The following BAZ2A variants were observed in gnomAD, a reference collection of about 807,000 sequenced individuals.
BAZ2A encodes bromodomain adjacent to zinc finger domain 2A, also known as bromodomain adjacent to zinc finger domain protein 2A.
Under a neutral mutation model 199.9 loss-of-function variants are expected in BAZ2A, and 34 were observed. The ratio of observed to expected loss-of-function variants is 0.17; its 90% confidence interval spans 0.13 to 0.23. The LOEUF (loss-of-function observed/expected upper bound fraction) is 0.23. BAZ2A is among the 10% of genes least tolerant of loss of function. BAZ2A has a pLI of 1.00. For synonymous variants in BAZ2A, 857 were observed against 883.9 expected, an observed-to-expected ratio of 0.97 and a Z score of 0.54; for missense variants, 2,002 against 2,391.1, an observed-to-expected ratio of 0.84 and a Z score of 3.39.
At position 56,630,294 on chromosome 12, in the gene BAZ2A, G is replaced by A. The variant is rs373648399; in HGVS notation, c.-172C>T. On this transcript the variant is annotated 5_prime_UTR_variant, in exon 1 of 29. Coordinates refer to ENST00000549884, the MANE Select transcript of BAZ2A (RefSeq NM_001300905.2). ...GGGACGCGGCTCAACCGCGGGGCCC[G>A]AGAGGAGCCAACATGGCCGGCGGGG... 2,144 of 984,852 alleles carry A rather than the reference G, an allele frequency of 2.2e-3. 35 individuals carry two copies. The African/African-American group carries it at 0.033, about 15-fold the overall frequency. The allele number at this position is 984,852 out of a possible 1,614,324, so 61.0% of individuals were successfully genotyped here. A position where few individuals can be genotyped will look rare whatever the true frequency, so the allele number is the denominator to read the frequency against.
rs1311483226 is a variant in BAZ2A at position 56,600,213 on chromosome 12, G to A, written c.4880C>T (p.Thr1627Ile). The A allele has an allele frequency of 1.2e-6, 2 of 1,613,806 alleles. No homozygotes were observed. Among genetic ancestry groups the A allele is most frequent in the Admixed American group, 3.3e-5 (2 of 59,992 alleles). Residue 1627 changes from threonine (T) to isoleucine (I), a missense_variant, in exon 24 of 29, where the codon ACC becomes ATC. Around this residue, in one of 6 missense-constraint regions of BAZ2A, gnomAD observed 1,081 missense variants for 1,274.7 expected, o/e 0.85. Coordinates refer to ENST00000549884, the MANE Select transcript of BAZ2A (RefSeq NM_001300905.2). ...GGGAGTCACTCACATCTCTGTAGTGGTGCCCTCAGGGGCACCATTAGGTGT... is the reference window on the plus strand; with the variant it reads ...GGGAGTCACTCACATCTCTGTAGTGATGCCCTCAGGGGCACCATTAGGTGT... ...LSTPNGAPEG[T>I]TTEISYEITP...
In BAZ2A at chr12:56,614,022, G is replaced by C. The variant is rs570032594; in HGVS notation, c.847C>G (p.Pro283Ala). The change falls in exon 4 of 29, where the codon CCT becomes GCT. Residue 283 changes from proline to alanine, a missense_variant. Pro to Ala is a conservative substitution (Grantham distance 27, BLOSUM62 -1). This residue lies in a region of BAZ2A where 641 missense variants were observed against 694.5 expected (regional missense o/e 0.92). Transcript: ENST00000549884. ...VSCLDDPSHL[P>A]DQLEDTPILS... ...ATTGGAGTGTCTTCCAGTTGATCAG[G>C]AAGATGTGAAGGATCATCTAAACAG... 1.9e-6 allele frequency: 3 copies of C among 1,613,838 alleles called. No homozygotes were observed. The highest frequency in any genetic ancestry group is 1.7e-5 in the Admixed American group (1 of 60,006).
At chr12:56,613,259 A>G (rs1343640886) in intron 4 of BAZ2A, 26 bp from the exon 5 acceptor site, 1 of 1,605,524 alleles carries the variant, frequency 6.2e-7, no homozygotes, top group Non-Finnish European at 8.5e-7. Context: ...GAAAAATCAG[A>G]GCAGGATAAT....
At chr12:56,636,453 C>T (rs1037269320), upstream of BAZ2A, 12 of 1,156,856 alleles carry the variant, frequency 1.0e-5, no homozygotes, top group South Asian at 2.6e-4. Flanking sequence ...ACAGGGCAGA[C>T]CAGGAGAAAT....
rs1390585309 is a variant in BAZ2A at position 56,596,254 on chromosome 12, AGGGCAG to A, written c.*2358_*2363del. On this transcript the variant is annotated 3_prime_UTR_variant, in exon 29 of 29. Transcript: ENST00000549884. ...ACCAGACTGATGGGAGGGAAGCAAA[AGGGCAG>A]GGGGTGGGTTGTCTTTTTATTTTAA... 6 of 152,738 alleles carry A rather than the reference AGGGCAG, an allele frequency of 3.9e-5. No individual in the cohort carries two copies. Among genetic ancestry groups the A allele is most frequent in the Admixed American group, 1.3e-4 (2 of 15,290 alleles). The allele number at this position is 152,738 out of a possible 1,614,324, so 9.5% of individuals were successfully genotyped here. A position where few individuals can be genotyped will look rare whatever the true frequency, so the allele number is the denominator to read the frequency against.
intron 5 of BAZ2A, 55 bp from the exon 6 acceptor site, chr12:56,612,301 AC>A: frequency 6.9e-7 from 1 of 1,451,230 alleles, no homozygotes; most frequent in Non-Finnish European, 9.4e-7. Context: ...ATCACATAAA[AC>A]AAGAGAATCT....
upstream of BAZ2A, among the ~76,000 whole-genome samples, chr12:56,637,155 G>A (rs1371486607): frequency 6.6e-6 from 1 of 152,204 alleles, no homozygotes; most frequent in East Asian, 1.9e-4. Context: ...TCATGGATTT[G>A]AAAATGGGAT....
At chr12:56,610,615 C>T (rs1950529874) in intron 7 of BAZ2A, 98 bp from the exon 8 acceptor site, 1 of 1,023,962 alleles carries the variant, frequency 9.8e-7, no homozygotes. Context: ...GCCCTCCCCA[C>T]ATTTGTATCT....
intron 1 of BAZ2A, among the ~76,000 whole-genome samples, chr12:56,627,596 A>C (rs1951143007): frequency 6.6e-6 from 1 of 151,870 alleles, no homozygotes. Flanking sequence ...AGGCTAAGGC[A>C]GGCAGGTCAC....
upstream of BAZ2A, chr12:56,636,454 C>T: frequency 2.6e-6 from 3 of 1,151,942 alleles, no homozygotes; most frequent in Non-Finnish European, 3.4e-6. Context: ...CAGGGCAGAC[C>T]AGGAGAAATA....
rs181614263 is a variant in BAZ2A at position 56,623,184 on chromosome 12, C to T, written c.-2-5652G>A. Among the ~76,000 whole-genome samples the T allele has an allele frequency of 2.7e-3, 407 of 151,014 alleles. 1 individual carries two copies. Among genetic ancestry groups the T allele is most frequent in the African/African-American group, 9.4e-3 (387 of 41,032 alleles). On this transcript the variant is annotated intron_variant, in intron 1 of 28. Transcript: ENST00000549884. ...CCGGGAGGTGGAGGTTGCAGTGAGCCGAGATCGCGTCACTGCACTCCAGTC... is the reference window on the plus strand; with the variant it reads ...CCGGGAGGTGGAGGTTGCAGTGAGCTGAGATCGCGTCACTGCACTCCAGTC...
rs1196353884 is a variant in BAZ2A at position 56,604,587 on chromosome 12, G to C, written c.2961C>G (p.Ile987Met). Residue 987 changes from isoleucine (I) to methionine (M), a missense_variant and splice_region_variant, in exon 15 of 29, where the codon ATC becomes ATG. Coordinates refer to ENST00000549884, the MANE Select transcript of BAZ2A (RefSeq NM_001300905.2). ...CATCCCCACTCCCAGCCTCTCACTT[G>C]ATGATGAGGGTGGAGCCATTGAGCT... is the stretch of plus-strand genomic sequence containing the variant. Reference protein sequence around the residue: ...VHELNGSTLIINEIDKTLESM... With the variant: ...VHELNGSTLIMNEIDKTLESM... The C allele has an allele frequency of 1.3e-6, 2 of 1,578,458 alleles. No individual in the cohort carries two copies. The highest frequency in any genetic ancestry group is 1.7e-6 in the Non-Finnish European group (2 of 1,161,442).
Position 56,605,225 on chromosome 12 carries a change from G to T in BAZ2A, c.2596C>A (p.Leu866Met). 1 of 1,613,846 alleles carries T rather than the reference G, an allele frequency of 6.2e-7. No individual in the cohort carries two copies. Among genetic ancestry groups the T allele is most frequent in the South Asian group, 1.1e-5 (1 of 91,074 alleles). ...VEFLHSFGKV[L>M]GFDPAKDVPS... ...ACATCTTTGGCAGGATCAAAGCCCA[G>T]CACCTTGCCAAAGCTATGCAGGAAC... The change falls in exon 14 of 29, where the codon CTG (leucine) becomes ATG (methionine). Residue 866 changes from leucine (L) to methionine (M), a missense_variant. Physicochemically the swap from Leu to Met is conservative, Grantham distance 15 (BLOSUM62 2). Around this residue, in one of 6 missense-constraint regions of BAZ2A, gnomAD observed 1,081 missense variants for 1,274.7 expected, o/e 0.85. Transcript: ENST00000549884.
chr12:56,634,297 G>A (rs1346734050), upstream of BAZ2A, among the ~76,000 whole-genome samples: 2 of 152,112 alleles, frequency 1.3e-5, no homozygotes, highest in African/African-American at 4.8e-5. Flanking sequence ...CAAGATTCCG[G>A]CAGCGCCCTG....
rs1212937663 is a variant in BAZ2A at position 56,602,764 on chromosome 12, C to T, written c.3373G>A (p.Val1125Ile). 1 of 1,613,846 alleles carries T rather than the reference C, an allele frequency of 6.2e-7. No individual in the cohort carries two copies. The highest frequency in any genetic ancestry group is 1.3e-5 in the African/African-American group (1 of 74,936). ...GQDRYRRRYW[V>I]LPYLAGIFVE... Reference sequence around the variant, plus strand: ...AAGATACCAGCCAAATACGGCAATACCCAGTAGCGACGTCTGTAGCGGTCC... The same window carrying T: ...AAGATACCAGCCAAATACGGCAATATCCAGTAGCGACGTCTGTAGCGGTCC... Residue 1125 changes from valine to isoleucine, a missense_variant, in exon 19 of 29, where the codon GTA becomes ATA. This residue lies in a region of BAZ2A where 1,081 missense variants were observed against 1,274.7 expected (regional missense o/e 0.85). Transcript: ENST00000549884.
At chr12:56,610,259 C>T in intron 8 of BAZ2A, 44 bp from the exon 9 acceptor site, 1 of 1,606,452 alleles carries the variant, frequency 6.2e-7, no homozygotes, top group Non-Finnish European at 8.5e-7. Context: ...TTGGATCCTA[C>T]CATGTCTTTG....
chr12:56,620,549 T>C, intron 1 of BAZ2A, among the ~76,000 whole-genome samples: 1 of 142,818 alleles, frequency 7.0e-6, no homozygotes, highest in East Asian at 2.0e-4. Flanking sequence ...ACACACAGGG[T>C]CCTCCAGGAT....
intron 10 of BAZ2A, among the ~76,000 whole-genome samples, chr12:56,607,527 A>G (rs570663898): frequency 7.9e-5 from 12 of 152,136 alleles, no homozygotes; most frequent in Admixed American, 6.5e-4. Flanking sequence ...GCGTGCCACC[A>G]CGCCCAGTTA....
At chr12:56,627,547 G>A (rs1951140164) in intron 1 of BAZ2A, among the ~76,000 whole-genome samples, 2 of 150,652 alleles carry the variant, frequency 1.3e-5, no homozygotes, top group South Asian at 2.1e-4. Context: ...GTCATAGGCC[G>A]GGCATGGTGG....
Sources: gnomAD v4.1 joint callset for allele counts (sites outside exome capture counted in the v4.1 genomes callset) on GRCh38, gnomAD v4.1.1 for gene constraint, gnomAD v4.1.1 regional missense constraint, MANE v1.5 for transcripts, NCBI Gene and HGNC (gene_info 2026-07-23, HGNC 2026-07-21) for gene names.